Variants in YAE1 observed in about 807,000 individuals in gnomAD.
The protein encoded by YAE1 is protein YAE1 homolog.
Under a neutral mutation model 23.0 loss-of-function variants are expected in YAE1, and 22 were observed. The observed-to-expected ratio is 0.96, with a 90% CI of 0.68 to 1.37. The LOEUF (loss-of-function observed/expected upper bound fraction) is 1.37, where lower values mean the gene tolerates loss of function less well. Ranked by LOEUF, YAE1 falls within the 40% of genes most tolerant of loss-of-function variation. The pLI, the probability that YAE1 is intolerant of heterozygous loss-of-function variation, is 0.00. For missense variants in YAE1, 260 were observed against 262.1 expected, an observed-to-expected ratio of 0.99 and a Z score of 0.06; for synonymous variants, 101 against 97.0, an observed-to-expected ratio of 1.04 and a Z score of -0.24.
At chr7:39,592,485 G>A (rs914550203) in intron 2 of YAE1, among the ~76,000 whole-genome samples, 6 of 151,990 alleles carry the variant, frequency 3.9e-5, no homozygotes, top group African/African-American at 1.2e-4. Flanking sequence ...ATCTGTGATG[G>A]ATTTAACCCA....
At chr7:39,609,898 G>T in exon 3 of YAE1, 2 of 1,531,294 alleles carry the variant, frequency 1.3e-6, no homozygotes, top group Non-Finnish European at 1.7e-6. Context: ...GCAGCAGCCT[G>T]CCCCGCCTGG....
intron 2 of YAE1, among the ~76,000 whole-genome samples, chr7:39,587,254 G>T (rs1008139955): frequency 1.3e-5 from 2 of 151,344 alleles, no homozygotes; most frequent in Non-Finnish European, 1.5e-5. Flanking sequence ...ATGGGGTTTC[G>T]CCGTGTTGCC....
At chr7:39,575,571 A>AGAGT (rs1562590531), downstream of YAE1, among the ~76,000 whole-genome samples, 1 of 93,064 alleles carries the variant, frequency 1.1e-5, no homozygotes, top group East Asian at 2.6e-4. Flanking sequence ...AGAGAGAGAG[A>AGAGT]GAGAGAGTGA....
chr7:39,569,940 T>A (rs1790538466), intron 1 of YAE1: 1 of 1,323,312 alleles, frequency 7.6e-7, no homozygotes, highest in African/African-American at 1.5e-5. Flanking sequence ...TCCTGGCTGC[T>A]CTGTGACATC....
At chr7:39,596,010 T>G (rs1384439803) in intron 2 of YAE1, among the ~76,000 whole-genome samples, 1 of 152,186 alleles carries the variant, frequency 6.6e-6, no homozygotes, top group Non-Finnish European at 1.5e-5. Flanking sequence ...TGGCTATGCC[T>G]TTTTCTTGAT....
downstream of YAE1, chr7:39,610,382 T>C: frequency 2.2e-6 from 1 of 461,410 alleles, no homozygotes; most frequent in Non-Finnish European, 4.3e-6. Context: ...CAACTTTGCA[T>C]CCTGAGAACA....
intron 2 of YAE1, among the ~76,000 whole-genome samples, chr7:39,594,176 T>C (rs1464298519): frequency 6.6e-6 from 1 of 152,250 alleles, no homozygotes; most frequent in Non-Finnish European, 1.5e-5. Context: ...TATGGGCTTC[T>C]CAGGTTCTGC....
downstream of YAE1, among the ~76,000 whole-genome samples, chr7:39,611,294 G>A (rs1018152674): frequency 5.3e-5 from 8 of 152,194 alleles, no homozygotes; most frequent in Non-Finnish European, 7.4e-5. Context: ...GCCTAGCTGT[G>A]TTAGAAAAAT....
downstream of YAE1, among the ~76,000 whole-genome samples, chr7:39,573,281 T>C (rs1790602724): frequency 6.7e-6 from 1 of 149,130 alleles, no homozygotes; most frequent in Admixed American, 6.6e-5. Flanking sequence ...GGACATTCAG[T>C]TTTATGAAAA....
At chr7:39,571,969 G>T (rs961700043) in intron 2 of YAE1, among the ~76,000 whole-genome samples, 3 of 152,096 alleles carry the variant, frequency 2.0e-5, no homozygotes, top group Non-Finnish European at 2.9e-5. Context: ...CCTTGATAGG[G>T]GTCAGAGCTC....
intron 2 of YAE1, among the ~76,000 whole-genome samples, chr7:39,581,255 T>A (rs554031354): frequency 1.3e-5 from 2 of 152,378 alleles, no homozygotes; most frequent in Admixed American, 1.3e-4. Flanking sequence ...GACATAGTCA[T>A]CGTTATCTAT....
chr7:39,579,920 C>T (rs771763021), intron 2 of YAE1, among the ~76,000 whole-genome samples: 12 of 152,060 alleles, frequency 7.9e-5, no homozygotes, highest in Non-Finnish European at 1.6e-4. Flanking sequence ...GGCATGCAAC[C>T]TGTAGTCCCA....
chr7:39,588,884 C>T (rs1292791146), intron 2 of YAE1, among the ~76,000 whole-genome samples: 3 of 151,650 alleles, frequency 2.0e-5, no homozygotes, highest in Non-Finnish European at 2.9e-5. Flanking sequence ...AGTGCAGTGG[C>T]ATGATCTTGG....
In YAE1 at chr7:39,571,916, C is replaced by T. The variant is rs368633948; in HGVS notation, c.252-361C>T. Among the ~76,000 whole-genome samples, 281 of 152,210 alleles carry T rather than the reference C, an allele frequency of 1.8e-3. 1 individual carries two copies. Among genetic ancestry groups the T allele is most frequent in the African/African-American group, 6.4e-3 (265 of 41,546 alleles). On this transcript the variant is annotated intron_variant, in intron 2 of 2. Transcript: ENST00000223273. ...AACTCTGAAACTTAAAAAAAAGATA[C>T]CCCCTGAGATTCTGATTTAATTGGT... is the stretch of plus-strand genomic sequence containing the variant.
At chr7:39,566,918 G>A in intron 1 of YAE1, 1 of 176,594 alleles carries the variant, frequency 5.7e-6, no homozygotes, top group South Asian at 1.4e-4. Flanking sequence ...GGCTTGAATG[G>A]GTAGGGAGCC....
intron 1 of YAE1, chr7:39,570,139 A>AC: frequency 2.4e-6 from 2 of 817,432 alleles, no homozygotes; most frequent in Non-Finnish European, 4.0e-6. Context: ...TCCAGGGAGC[A>AC]CCCCCAAGCA....
intron 2 of YAE1, among the ~76,000 whole-genome samples, chr7:39,600,272 C>T (rs554690316): frequency 6.6e-6 from 1 of 152,312 alleles, no homozygotes; most frequent in Admixed American, 6.5e-5. Flanking sequence ...GCCCCCAGTA[C>T]TTCAGAATGT....
At chr7:39,602,501 A>T (rs1156634278) in intron 2 of YAE1, among the ~76,000 whole-genome samples, 1 of 152,242 alleles carries the variant, frequency 6.6e-6, no homozygotes, top group Admixed American at 6.5e-5. Context: ...TTCTGAGAAG[A>T]TTCACTTTGC....
chr7:39,570,761 A>T, intron 2 of YAE1, 134 bp downstream of exon 2: 1 of 1,166,692 alleles, frequency 8.6e-7, no homozygotes, highest in Non-Finnish European at 1.1e-6. Context: ...CAGATCATAG[A>T]ATTATATTGC....
Sources: allele counts gnomAD v4.1 joint callset (sites outside exome capture counted in the v4.1 genomes callset), GRCh38; gene constraint gnomAD v4.1.1; transcripts MANE v1.5; gene names NCBI Gene and HGNC (gene_info 2026-07-23, HGNC 2026-07-21).